GUCY2C: variants seen among roughly 807,000 people sequenced by gnomAD.
GUCY2C encodes guanylate cyclase 2C.
In GUCY2C, 118 loss-of-function variants were observed where a neutral mutation model predicts 131.1. The ratio of observed to expected loss-of-function variants is 0.90; its 90% CI spans 0.78 to 1.05. The LOEUF (loss-of-function observed/expected upper bound fraction) is 1.05. GUCY2C is among the 50% of genes least tolerant of loss of function. The probability of loss-of-function intolerance (pLI) is 0.00; values close to 1 mark genes in which losing one functional copy is unlikely to be tolerated. For missense variants in GUCY2C, 1,161 were observed against 1,304.4 expected (o/e 0.89, Z 1.69); for synonymous variants, 452 against 457.8 (o/e 0.99, Z 0.16).
At chr12:14,644,740 C>CT (rs542151875) in intron 16 of GUCY2C, among the ~76,000 whole-genome samples, 5,221 of 108,596 alleles carry the variant, frequency 0.048, 463 homozygotes, top group African/African-American at 0.15. Context: ...ATTCAGTTGT[C>CT]TTTTTTTTTT....
rs556964223 is a variant in GUCY2C at position 14,675,614 on chromosome 12, T to C, written c.949-854A>G. ...AGAGTTCTGATTGGATATTACTTCA[T>C]GCCCCAAATGCCTGTCCTGGGAAAA... On this transcript the variant is annotated intron_variant, in intron 7 of 26. Transcript: ENST00000261170. 3.0e-4 allele frequency among the ~76,000 whole-genome samples: 46 copies of C among 152,290 alleles called. No homozygotes were observed. The South Asian group carries it at 9.5e-3, about 32-fold the overall frequency.
chr12:14,636,295 A>G (rs1947269535), intron 19 of GUCY2C, among the ~76,000 whole-genome samples: 1 of 152,212 alleles, frequency 6.6e-6, no homozygotes, highest in Non-Finnish European at 1.5e-5. Context: ...AGCAAGGATG[A>G]TTTAACATAT....
chr12:14,652,236 G>A (rs1376502158), intron 13 of GUCY2C, among the ~76,000 whole-genome samples: 2 of 152,048 alleles, frequency 1.3e-5, no homozygotes, highest in African/African-American at 4.8e-5. Flanking sequence ...GTGCAGTGGT[G>A]CAATCTCAGC....
chr12:14,681,671 A>G (rs906885955), intron 4 of GUCY2C, among the ~76,000 whole-genome samples, 194 bp from the exon 5 acceptor site: 3 of 152,178 alleles, frequency 2.0e-5, no homozygotes, highest in African/African-American at 7.2e-5. Context: ...GGATGGGGGA[A>G]CTTTTAGGGA....
chr12:14,653,155 T>C, intron 12 of GUCY2C, 141 bp from the exon 13 acceptor site: 1 of 739,168 alleles, frequency 1.4e-6, no homozygotes, highest in Admixed American at 1.8e-5. Context: ...CCAGAAAAAC[T>C]GTTGTAATTG....
At chr12:14,656,314 T>A (rs1052690232) in intron 12 of GUCY2C, among the ~76,000 whole-genome samples, 198 bp downstream of exon 12, 4 of 152,166 alleles carry the variant, frequency 2.6e-5, no homozygotes, top group African/African-American at 7.2e-5. Context: ...TCCAGGGAAG[T>A]GCTCATTGGA....
rs1408494866 is a variant in GUCY2C at position 14,639,902 on chromosome 12, G to T, written c.2117C>A (p.Pro706Gln). The T allele has an allele frequency of 1.2e-6, 2 of 1,611,274 alleles. No homozygotes were observed. The highest frequency in any genetic ancestry group is 4.5e-5 in the East Asian group (2 of 44,876). Residue 706 changes from proline to glutamine, a missense_variant, in exon 19 of 27, where the codon CCA (proline) becomes CAA (glutamine). By Grantham distance (76) the Pro-to-Gln change is moderately conservative (BLOSUM62 -1). Coordinates refer to ENST00000261170, the MANE Select transcript of GUCY2C (RefSeq NM_004963.4). ...CTCTGCTGTTTCCAAGAATAAATCTGGGCGGAAGGGTTTCATTCCATTGGA... is the reference window on the plus strand; with the variant it reads ...CTCTGCTGTTTCCAAGAATAAATCTTGGCGGAAGGGTTTCATTCCATTGGA... ...ENSNGMKPFR[P>Q]DLFLETAEEK...
At chr12:14,643,497 C>T (rs1274601001) in intron 17 of GUCY2C, 77 bp downstream of exon 17, 1 of 1,365,044 alleles carries the variant, frequency 7.3e-7, no homozygotes. Context: ...ATCAGTATTA[C>T]AATTTCCTGA....
intron 9 of GUCY2C, among the ~76,000 whole-genome samples, chr12:14,671,927 G>A (rs1948120779): frequency 6.6e-6 from 1 of 152,176 alleles, no homozygotes; most frequent in South Asian, 2.1e-4. Context: ...TACATTTATG[G>A]AATGCTGCTA....
At position 14,645,350 on chromosome 12, in the gene GUCY2C, T is replaced by C. The variant is rs757796652; in HGVS notation, c.1711-35A>G. ...AAAAAAGAAGAAGAAGAAAAGTTGTTGCAAGAAAGGATATTGTGGAGAGAC... is the reference window on the plus strand; with the variant it reads ...AAAAAAGAAGAAGAAGAAAAGTTGTCGCAAGAAAGGATATTGTGGAGAGAC... On this transcript the variant is annotated intron_variant, in intron 15 of 26. Coordinates refer to ENST00000261170, the MANE Select transcript of GUCY2C (RefSeq NM_004963.4). The C allele has an allele frequency of 9.5e-6, 10 of 1,050,804 alleles. No homozygotes were observed. In the South Asian group the frequency reaches 1.3e-4, roughly 14 times the overall value. The allele number at this position is 1,050,804 out of a possible 1,614,324, so 65.1% of individuals were successfully genotyped here. A position where few individuals can be genotyped will look rare whatever the true frequency, so the allele number is the denominator to read the frequency against.
chr12:14,618,769 C>T (rs1946827947), intron 24 of GUCY2C, among the ~76,000 whole-genome samples: 1 of 152,082 alleles, frequency 6.6e-6, no homozygotes, highest in Admixed American at 6.6e-5. Context: ...TCACTGCACT[C>T]CAGCCTGGGT....
chr12:14,619,262 G>C lies in GUCY2C; in HGVS notation c.2824C>G (p.Leu942Val). 2 of 1,612,992 alleles carry C rather than the reference G, an allele frequency of 1.2e-6. No individual in the cohort carries two copies. Among genetic ancestry groups the C allele is most frequent in the Non-Finnish European group, 1.7e-6 (2 of 1,179,016 alleles). Residue 942 changes from leucine to valine, a missense_variant, in exon 24 of 27, where the codon CTA (leucine) becomes GTA (valine). Transcript: ENST00000261170. ...VVGIKMPRYCLFGDTVNTASR... is the reference protein window; with the variant it reads ...VVGIKMPRYCVFGDTVNTASR... ...GCTGTGTTGACCGTATCTCCAAATA[G>C]ACAATAACGAGGCATCTTGATTCCC...
intron 9 of GUCY2C, 144 bp from the exon 10 acceptor site, chr12:14,669,977 G>T: frequency 1.9e-6 from 1 of 524,532 alleles, no homozygotes. Context: ...CAGCTAGTTA[G>T]GATCATTTAT....
chr12:14,622,260 A>T, intron 21 of GUCY2C, 63 bp from the exon 22 acceptor site: 1 of 1,070,588 alleles, frequency 9.3e-7, no homozygotes, highest in Non-Finnish European at 1.3e-6. Flanking sequence ...GTTTCACATA[A>T]ATCTTTCAGG....
intron 1 of GUCY2C, among the ~76,000 whole-genome samples, chr12:14,690,402 T>A (rs984227592): frequency 6.6e-6 from 1 of 152,202 alleles, no homozygotes; most frequent in Admixed American, 6.5e-5. Context: ...GCTGGCGATA[T>A]CCCTGGGGAC....
intron 10 of GUCY2C, among the ~76,000 whole-genome samples, chr12:14,667,179 C>T (rs1477495694): frequency 6.6e-6 from 1 of 152,070 alleles, no homozygotes; most frequent in African/African-American, 2.4e-5. Flanking sequence ...ACATTAAAAA[C>T]ACAAACCTAA....
chr12:14,691,943 A>G (rs1948581783), intron 1 of GUCY2C, among the ~76,000 whole-genome samples: 1 of 152,202 alleles, frequency 6.6e-6, no homozygotes, highest in Non-Finnish European at 1.5e-5. Context: ...ATATTTTGTC[A>G]TCCTCATTTA....
intron 19 of GUCY2C, among the ~76,000 whole-genome samples, chr12:14,636,304 A>T (rs911705869): frequency 1.3e-5 from 2 of 152,244 alleles, no homozygotes; most frequent in African/African-American, 4.8e-5. Flanking sequence ...GATTTAACAT[A>T]TGCAAATCAA....
intron 20 of GUCY2C, among the ~76,000 whole-genome samples, chr12:14,626,237 T>G (rs945254748): frequency 6.6e-6 from 1 of 151,662 alleles, no homozygotes; most frequent in Non-Finnish European, 1.5e-5. Flanking sequence ...GCAGGAGAAT[T>G]GCTTGACTGG....
Sources: allele counts gnomAD v4.1 joint callset (sites outside exome capture counted in the v4.1 genomes callset), GRCh38; gene constraint gnomAD v4.1.1; transcripts MANE v1.5; gene names NCBI Gene and HGNC (gene_info 2026-07-23, HGNC 2026-07-21).